The following CSMD3 variants were observed in gnomAD, a reference collection of about 807,000 sequenced individuals.
CSMD3 encodes CUB and sushi domain-containing protein 3.
Under a neutral mutation model 435.2 loss-of-function variants are expected in CSMD3, and 177 were observed. The observed-to-expected ratio is 0.41, with a 90% CI of 0.36 to 0.46. The LOEUF (loss-of-function observed/expected upper bound fraction) is 0.46. Among genes scored for constraint, CSMD3 ranks in the 20% least tolerant of loss-of-function variants. The probability of loss-of-function intolerance (pLI) is 0.34; values close to 1 mark genes in which losing one functional copy is unlikely to be tolerated. For synonymous variants in CSMD3, 1,656 were observed against 1,520.5 expected (o/e 1.09, Z -2.07); for missense variants, 4,265 against 4,504.6 (o/e 0.95, Z 1.52).
chr8:112,870,779 T>C lies in CSMD3; in HGVS notation c.1634-11513A>G, dbSNP rs182649877. Among the ~76,000 whole-genome samples the C allele has an allele frequency of 1.5e-4, 23 of 151,966 alleles. No individual in the cohort carries two copies. In the East Asian group the frequency reaches 4.1e-3, roughly 27 times the overall value. ...TGCTGGGTGGAGGTGGAAAGATTAA[T>C]AAGACAATCAAAGTCGTTGCCCTAG... is the stretch of plus-strand genomic sequence containing the variant. On this transcript the variant is annotated intron_variant, in intron 10 of 70. Coordinates refer to ENST00000297405, the MANE Select transcript of CSMD3 (RefSeq NM_198123.2).
chr8:113,419,050 G>T (rs1249920003), intron 1 of CSMD3, among the ~76,000 whole-genome samples: 1 of 151,338 alleles, frequency 6.6e-6, no homozygotes, highest in African/African-American at 2.4e-5. Flanking sequence ...CAGAATTTAT[G>T]TATATTAATA....
Position 112,352,481 on chromosome 8 carries a change from T to G in CSMD3, c.6190A>C (p.Ile2064Leu). 1.2e-6 allele frequency: 2 copies of G among 1,613,690 alleles called. No homozygotes were observed. Among genetic ancestry groups the G allele is most frequent in the Non-Finnish European group, 1.7e-6 (2 of 1,179,750 alleles). Reference sequence around the variant, plus strand: ...TCTCCAACCATATATCTGTCTCCAATTTTAATTCCACTGCTAGGAGTTTGT... The same window carrying G: ...TCTCCAACCATATATCTGTCTCCAAGTTTAATTCCACTGCTAGGAGTTTGT... ...EPQTPSSGIK[I>L]GDRYMVGDVV... The change falls in exon 39 of 71, where the codon ATT (isoleucine) becomes CTT (leucine). Residue 2064 changes from isoleucine (I) to leucine (L), a missense_variant. Ile to Leu is a conservative substitution (Grantham distance 5). Around this residue, in one of 3 missense-constraint regions of CSMD3, gnomAD observed 3,255 missense variants for 3,380.2 expected, o/e 0.96. Transcript: ENST00000297405.
intron 18 of CSMD3, among the ~76,000 whole-genome samples, chr8:112,652,651 G>T (rs1429410512): frequency 6.6e-6 from 1 of 152,098 alleles, no homozygotes; most frequent in Admixed American, 6.5e-5. Context: ...TAAAGAAATA[G>T]TTCATAATTG....
At chr8:113,160,016 A>C (rs1174065714) in intron 4 of CSMD3, among the ~76,000 whole-genome samples, 4 of 152,016 alleles carry the variant, frequency 2.6e-5, no homozygotes, top group African/African-American at 9.6e-5. Flanking sequence ...AGTAACACTA[A>C]AAACTCATAT....
chr8:112,299,366 T>TA (rs898121773), intron 53 of CSMD3, among the ~76,000 whole-genome samples: 4 of 151,950 alleles, frequency 2.6e-5, no homozygotes, highest in East Asian at 1.9e-4. Context: ...TTGCCGAGTT[T>TA]AAAAAAAACT....
At chr8:112,546,058 C>G (rs72676646) in intron 27 of CSMD3, among the ~76,000 whole-genome samples, 1 of 152,100 alleles carries the variant, frequency 6.6e-6, no homozygotes, top group Non-Finnish European at 1.5e-5. Context: ...AATGTAGGTA[C>G]AAGTGTTTCA....
chr8:113,351,199 T>C (rs1227283420), intron 1 of CSMD3, among the ~76,000 whole-genome samples: 1 of 152,058 alleles, frequency 6.6e-6, no homozygotes, highest in Non-Finnish European at 1.5e-5. Flanking sequence ...AGTGGATAAA[T>C]GATAGATGAA....
intron 5 of CSMD3, among the ~76,000 whole-genome samples, chr8:113,031,912 G>A (rs1564232573): frequency 6.6e-6 from 1 of 151,528 alleles, no homozygotes; most frequent in South Asian, 2.1e-4. Context: ...TCATGATAGT[G>A]AGGGAGTTCT....
chr8:113,306,462 C>A (rs1046696834), intron 2 of CSMD3, among the ~76,000 whole-genome samples: 1 of 151,986 alleles, frequency 6.6e-6, no homozygotes, highest in Non-Finnish European at 1.5e-5. Context: ...ATAAAACTAC[C>A]CTCTGGTCAT....
At chr8:112,782,641 A>G (rs1253885007) in intron 13 of CSMD3, among the ~76,000 whole-genome samples, 5 of 152,136 alleles carry the variant, frequency 3.3e-5, no homozygotes, top group African/African-American at 4.8e-5. Flanking sequence ...ACCACAAGGC[A>G]TCTAATAATC....
chr8:112,235,205 C>A lies in CSMD3; in HGVS notation c.10628-728G>T, dbSNP rs73338954. On this transcript the variant is annotated intron_variant, in intron 67 of 70. Transcript: ENST00000297405. ...GACCAGCCTAAGCAACATGGCAAAACCCCATCTTTACAAAAAATACTTTAA... is the reference window on the plus strand; with the variant it reads ...GACCAGCCTAAGCAACATGGCAAAAACCCATCTTTACAAAAAATACTTTAA... 3.4e-3 allele frequency among the ~76,000 whole-genome samples: 511 copies of A among 152,048 alleles called. 3 individuals are homozygous for A. Among genetic ancestry groups the A allele is most frequent in the African/African-American group, 0.012 (493 of 41,486 alleles).
chr8:112,260,959 T>A (rs1034783904), intron 61 of CSMD3, among the ~76,000 whole-genome samples: 1 of 152,162 alleles, frequency 6.6e-6, no homozygotes, highest in Non-Finnish European at 1.5e-5. Context: ...ATTTATAAAG[T>A]TATTTTTAAA....
At position 113,019,357 on chromosome 8, in the gene CSMD3, T is replaced by C. The variant is rs1587899738; in HGVS notation, c.918-178A>G. On this transcript the variant is annotated intron_variant, in intron 5 of 70. Transcript: ENST00000297405. Reference sequence around the variant, plus strand: ...AAAAGTCAATCACAGAATAGTGCAATTCCAAACACATGCTGTTCCAATCAG... The same window carrying C: ...AAAAGTCAATCACAGAATAGTGCAACTCCAAACACATGCTGTTCCAATCAG... Among the ~76,000 whole-genome samples the C allele has an allele frequency of 3.3e-5, 5 of 152,096 alleles. No individual in the cohort carries two copies. The South Asian group carries it at 8.3e-4, about 25-fold the overall frequency.
chr8:112,666,139 A>T (rs1447940358), intron 17 of CSMD3, 138 bp downstream of exon 17: 2 of 734,788 alleles, frequency 2.7e-6, no homozygotes, highest in African/African-American at 1.8e-5. Flanking sequence ...AAAAGGGGGC[A>T]AACAGATGGA....
At chr8:112,715,835 T>A (rs1056739168) in intron 13 of CSMD3, among the ~76,000 whole-genome samples, 12 of 152,092 alleles carry the variant, frequency 7.9e-5, no homozygotes, top group Non-Finnish European at 1.8e-4. Context: ...ACATGATTAT[T>A]TCAATAGATG....
chr8:112,573,602 G>A lies in CSMD3; in HGVS notation c.3941C>T (p.Ser1314Phe), dbSNP rs776519565. The part of the protein sequence containing the change: ...THLLGAFTGA[S>F]MRGLTLSSTS... Reference sequence around the variant, plus strand: ...ACTACTAAGTGTCAGTCCGCGCATAGATGCACCAGTAAAAGCACCTAGTAG... The same window carrying A: ...ACTACTAAGTGTCAGTCCGCGCATAAATGCACCAGTAAAAGCACCTAGTAG... Residue 1314 changes from serine (S) to phenylalanine (F), a missense_variant, in exon 24 of 71, where the codon TCT becomes TTT. Physicochemically the swap from Ser to Phe is radical, Grantham distance 155. This residue lies in a region of CSMD3 where 3,255 missense variants were observed against 3,380.2 expected (regional missense o/e 0.96). Transcript: ENST00000297405. The A allele has an allele frequency of 6.2e-7, 1 of 1,613,076 alleles. No individual in the cohort carries two copies. The highest frequency in any genetic ancestry group is 8.5e-7 in the Non-Finnish European group (1 of 1,179,224).
chr8:113,299,886 G>A (rs538319289), intron 2 of CSMD3, among the ~76,000 whole-genome samples: 5 of 152,052 alleles, frequency 3.3e-5, no homozygotes, highest in Non-Finnish European at 7.4e-5. Context: ...CCAGCTATTC[G>A]GGAGGCTGAG....
intron 7 of CSMD3, among the ~76,000 whole-genome samples, chr8:112,967,351 T>C (rs2084459349): frequency 6.6e-6 from 1 of 151,906 alleles, no homozygotes; most frequent in African/African-American, 2.4e-5. Context: ...TAAAGCTCAT[T>C]TTTGAGGCCT....
At chr8:112,953,223 T>A (rs2083891223) in intron 8 of CSMD3, among the ~76,000 whole-genome samples, 1 of 151,520 alleles carries the variant, frequency 6.6e-6, no homozygotes, top group South Asian at 2.1e-4. Flanking sequence ...AAACATAACA[T>A]TTAATTTTGC....
Sources: allele counts gnomAD v4.1 joint callset (sites outside exome capture counted in the v4.1 genomes callset), GRCh38; gene constraint gnomAD v4.1.1; regional missense constraint gnomAD v4.1.1; transcripts MANE v1.5; gene names NCBI Gene and HGNC (gene_info 2026-07-23, HGNC 2026-07-21).